The following KIF26B variants were observed in gnomAD, a reference collection of about 807,000 sequenced individuals.
KIF26B encodes kinesin-like protein KIF26B.
KIF26B carries 63 observed loss-of-function variants against 151.2 expected under a neutral mutation model. The observed-to-expected ratio is 0.42, with a 90% CI of 0.34 to 0.51. The LOEUF (loss-of-function observed/expected upper bound fraction) is 0.51. KIF26B is among the 20% of genes least tolerant of loss of function. The pLI is 0.07. For synonymous variants in KIF26B, 1,357 were observed against 1,262.1 expected, an observed-to-expected ratio of 1.08 and a Z score of -1.59; for missense variants, 2,813 against 2,913.6, an observed-to-expected ratio of 0.97 and a Z score of 0.79.
intron 5 of KIF26B, among the ~76,000 whole-genome samples, chr1:245,576,540 G>T (rs149583584): frequency 6.6e-6 from 1 of 152,188 alleles, no homozygotes; most frequent in South Asian, 2.1e-4. Context: ...ATTGTCACAC[G>T]TCCTGGTGAG....
intron 3 of KIF26B, among the ~76,000 whole-genome samples, chr1:245,377,923 A>C (rs1673316371): frequency 6.6e-6 from 1 of 152,228 alleles, no homozygotes; most frequent in Non-Finnish European, 1.5e-5. Flanking sequence ...GAGCCAGACA[A>C]AATGAAAAAA....
intron 2 of KIF26B, among the ~76,000 whole-genome samples, chr1:245,353,364 G>A (rs895942734): frequency 3.3e-5 from 5 of 152,166 alleles, no homozygotes; most frequent in Admixed American, 1.3e-4. Context: ...ATGTTCTGCC[G>A]GCTCTCCCTA....
chr1:245,166,477 G>T lies in KIF26B; in HGVS notation c.465+9794G>T. On this transcript the variant is annotated intron_variant, in intron 2 of 14. Transcript: ENST00000407071. This position sits in a 1 kb window ranked among gnomAD's most constrained non-coding sequence, Gnocchi z 4.5. ...TGGATGTAAATAGCGACTCCTTTGG[G>T]TTGAGGTGCCATGAATATGGATTGA... 6.6e-6 allele frequency among the ~76,000 whole-genome samples: 1 copy of T among 152,214 alleles called. No homozygotes were observed. Among genetic ancestry groups the T allele is most frequent in the Admixed American group, 6.5e-5 (1 of 15,284 alleles).
chr1:245,685,255 C>A (rs2044494345), intron 11 of KIF26B, 150 bp from the exon 12 acceptor site: 1 of 635,382 alleles, frequency 1.6e-6, no homozygotes, highest in Admixed American at 2.9e-5. Context: ...GCGGGCATGG[C>A]ACCCCGAGTG....
intron 9 of KIF26B, among the ~76,000 whole-genome samples, chr1:245,619,155 A>G (rs1052588450): frequency 5.0e-5 from 7 of 139,672 alleles, no homozygotes; most frequent in Non-Finnish European, 9.1e-5. Context: ...TCCAAGCCCT[A>G]TTAAACTATG....
intron 4 of KIF26B, among the ~76,000 whole-genome samples, chr1:245,475,230 G>T (rs1660008978): frequency 2.6e-5 from 4 of 151,820 alleles, no homozygotes; most frequent in African/African-American, 9.7e-5. Context: ...CTTTTAGACT[G>T]AGCTGCTCAG....
chr1:245,461,866 C>A (rs556572293), intron 4 of KIF26B, among the ~76,000 whole-genome samples: 1 of 152,274 alleles, frequency 6.6e-6, no homozygotes, highest in African/African-American at 2.4e-5. Context: ...GTAATCCCAG[C>A]CTTTAGAGAG....
At chr1:245,342,464 GA>G (rs1190639373) in intron 2 of KIF26B, among the ~76,000 whole-genome samples, 3 of 152,188 alleles carry the variant, frequency 2.0e-5, no homozygotes, top group Non-Finnish European at 4.4e-5. Context: ...GACAAGGAGA[GA>G]ATGGGACCGT....
intron 4 of KIF26B, among the ~76,000 whole-genome samples, chr1:245,443,430 CCT>C (rs1659166685): frequency 1.2e-5 from 1 of 83,634 alleles, no homozygotes; most frequent in Admixed American, 1.2e-4. Context: ...CACTGTTCAC[CCT>C]GCGGTCATCT....
At chr1:245,701,666 G>T (rs1476809552) in intron 14 of KIF26B, among the ~76,000 whole-genome samples, 1 of 152,216 alleles carries the variant, frequency 6.6e-6, no homozygotes, top group African/African-American at 2.4e-5. Flanking sequence ...ACTCAAGGCA[G>T]GCAGGGCAGG....
chr1:245,545,802 A>AGTCCAC (rs11282899), intron 5 of KIF26B, among the ~76,000 whole-genome samples: 2 of 151,288 alleles, frequency 1.3e-5, no homozygotes, highest in African/African-American at 4.9e-5. Context: ...CTCCTAAGTC[A>AGTCCAC]GTTCTTCATG....
intron 2 of KIF26B, among the ~76,000 whole-genome samples, chr1:245,256,104 G>A (rs76382558): frequency 0.014 from 2,056 of 152,176 alleles, 38 homozygotes; most frequent in African/African-American, 0.037. Context: ...GAAAGGGCCG[G>A]GATTTGGGTA....
chr1:245,390,938 A>ACAAAACAAAAC (rs1352654367), intron 3 of KIF26B, among the ~76,000 whole-genome samples: 30 of 95,988 alleles, frequency 3.1e-4, no homozygotes, highest in African/African-American at 2.6e-3. Context: ...AAAAAAAAAA[A>ACAAAACAAAAC]AAAAAAAAAA....
At position 245,580,841 on chromosome 1, in the gene KIF26B, C is replaced by T. The variant is rs151305367; in HGVS notation, c.1351-21736C>T. On this transcript the variant is annotated intron_variant, in intron 5 of 14. Transcript: ENST00000407071. ...TGCCACCTCATCTGTGGTTTCTCAT[C>T]CTGTTTGCTGTCCTCCTTCCTCGTT... Among the ~76,000 whole-genome samples, 473 of 152,306 alleles carry T rather than the reference C, an allele frequency of 3.1e-3. 2 individuals carry two copies. The highest frequency in any genetic ancestry group is 0.011 in the African/African-American group (451 of 41,572).
chr1:245,265,861 G>A (rs555266490), intron 2 of KIF26B, among the ~76,000 whole-genome samples: 1 of 152,250 alleles, frequency 6.6e-6, no homozygotes, highest in African/African-American at 2.4e-5. Flanking sequence ...GCCTGCCTTA[G>A]TCTCCCAAAG....
At chr1:245,482,297 C>G (rs1316870676) in intron 4 of KIF26B, among the ~76,000 whole-genome samples, 1 of 151,552 alleles carries the variant, frequency 6.6e-6, no homozygotes, top group African/African-American at 2.4e-5. Context: ...ACCATATTGT[C>G]CAAGGTGGTC....
intron 9 of KIF26B, among the ~76,000 whole-genome samples, chr1:245,625,376 A>G (rs1218861930): frequency 1.3e-5 from 2 of 151,944 alleles, no homozygotes; most frequent in South Asian, 2.1e-4. Context: ...GAGATGATTG[A>G]CCTCTTCACA....
At chr1:245,272,153 G>A (rs1196176088) in intron 2 of KIF26B, among the ~76,000 whole-genome samples, 2 of 152,126 alleles carry the variant, frequency 1.3e-5, no homozygotes, top group Non-Finnish European at 2.9e-5. Context: ...GTTCACTGTG[G>A]TCTTTTATTA....
In KIF26B at chr1:245,609,273, C is replaced by G; in HGVS notation, c.1659C>G (p.Ser553=). Residue 553 remains serine, a synonymous_variant, in exon 8 of 15, where the codon TCC becomes TCG. Coordinates refer to ENST00000407071, the MANE Select transcript of KIF26B (RefSeq NM_018012.4). ...FCFGHAKLGK[S]YTMIGKDDSM... ...CTTCCCTGGTTCTCCCAGGAAAATCCTACACCATGATCGGAAAGGATGATT... is the reference window on the plus strand; with the variant it reads ...CTTCCCTGGTTCTCCCAGGAAAATCGTACACCATGATCGGAAAGGATGATT... 6.2e-7 allele frequency: 1 copy of G among 1,602,214 alleles called. No individual in the cohort carries two copies. Among genetic ancestry groups the G allele is most frequent in the Non-Finnish European group, 8.5e-7 (1 of 1,172,850 alleles).
Sources: allele counts gnomAD v4.1 joint callset (sites outside exome capture counted in the v4.1 genomes callset), GRCh38; gene constraint gnomAD v4.1.1; non-coding constraint Gnocchi (gnomAD v3.1); transcripts MANE v1.5; gene names NCBI Gene and HGNC (gene_info 2026-07-23, HGNC 2026-07-21).